Variants in MIA3 observed in about 807,000 individuals in gnomAD.
MIA3 encodes the protein MIA SH3 domain ER export factor 3, also known as transport and Golgi organization protein 1 homolog.
In MIA3, 90 loss-of-function variants were observed where a neutral mutation model predicts 192.4. That is an observed-to-expected ratio of 0.47 (90% CI 0.39 to 0.56). The LOEUF (loss-of-function observed/expected upper bound fraction) is 0.56, where lower values mean the gene tolerates loss of function less well. MIA3 is among the 20% of genes least tolerant of loss of function. The pLI is 0.00. For synonymous variants in MIA3, 740 were observed against 792.8 expected (o/e 0.93, Z 1.12); for missense variants, 2,123 against 2,269.4 (o/e 0.94, Z 1.31).
chr1:222,636,929 T>C (rs1040443649), intron 6 of MIA3, among the ~76,000 whole-genome samples: 4 of 152,222 alleles, frequency 2.6e-5, no homozygotes, highest in African/African-American at 9.6e-5. Flanking sequence ...TCCCTATCCC[T>C]GCACTGAAGT....
rs758220026 is a variant in MIA3, at chr1:222,630,406, C to T, written c.3169+17C>T. 6.4e-7 allele frequency: 1 copy of T among 1,574,318 alleles called. No homozygotes were observed. Among genetic ancestry groups the T allele is most frequent in the East Asian group, 2.2e-5 (1 of 44,586 alleles). ...CAATGGAAGGTGAGATGCCTATGGC[C>T]TTGTAGAACAGGGCTGGAGAAGCAG... On this transcript the variant is annotated intron_variant, in intron 4 of 27. Transcript: ENST00000344922.
chr1:222,648,874 A>T, intron 8 of MIA3, 24 bp downstream of exon 8: 1 of 1,402,842 alleles, frequency 7.1e-7, no homozygotes, highest in Non-Finnish European at 1.0e-6. Flanking sequence ...CTTTTTTGTT[A>T]TTTGTACTAG....
chr1:222,667,312 C>CT lies in MIA3; in HGVS notation c.*1697dup, dbSNP rs1392033770. 6.6e-6 allele frequency: 1 copy of CT among 152,166 alleles called. No individual in the cohort carries two copies. Among genetic ancestry groups the CT allele is most frequent in the Admixed American group, 6.5e-5 (1 of 15,280 alleles). 9.4% of individuals were successfully genotyped at this position (152,166 alleles called of 1,614,324 possible). On this transcript the variant is annotated 3_prime_UTR_variant, in exon 28 of 28. Transcript: ENST00000344922. Reference sequence around the variant, plus strand: ...AAACTCCACAGAAGAGCATAGGCCACTTTTAGCCATGTAAAAATAAGATTA... The same window carrying CT: ...AAACTCCACAGAAGAGCATAGGCCACTTTTTAGCCATGTAAAAATAAGATTA...
intron 3 of MIA3, 121 bp from the exon 4 acceptor site, chr1:222,627,454 A>G (rs1301777880): frequency 1.2e-6 from 1 of 824,850 alleles, no homozygotes; most frequent in East Asian, 2.5e-5. Flanking sequence ...CCCAGTGTTG[A>G]CGCAAAAGCT....
In MIA3 at chr1:222,665,438, T is replaced by C. The variant is rs1489643365; in HGVS notation, c.5543T>C (p.Leu1848Pro). Reference protein sequence around the residue: ...GHAPFRPLGSLGPREYFIPGT... With the variant: ...GHAPFRPLGSPGPREYFIPGT... ...GCACCATTTAGACCTTTAGGTTCAC[T>C]TGGCCCAAGAGAGTACTTTATTCCT... Residue 1848 changes from leucine to proline, a missense_variant, in exon 28 of 28, where the codon CTT (leucine) becomes CCT (proline). Physicochemically the swap from Leu to Pro is moderately conservative, Grantham distance 98. This residue lies in a region of MIA3 where 762 missense variants were observed against 856.4 expected (regional missense o/e 0.89). Coordinates refer to ENST00000344922, the MANE Select transcript of MIA3 (RefSeq NM_198551.4). 6.2e-7 allele frequency: 1 copy of C among 1,614,008 alleles called. No homozygotes were observed. Among genetic ancestry groups the C allele is most frequent in the Admixed American group, 1.7e-5 (1 of 60,010 alleles).
chr1:222,623,049 G>C (rs1045143505), intron 2 of MIA3, among the ~76,000 whole-genome samples: 1 of 152,202 alleles, frequency 6.6e-6, no homozygotes. Flanking sequence ...TTAATGGAAA[G>C]GCTCATGCCT....
rs1662471331 is a variant in MIA3 at position 222,633,036 on chromosome 1, A to G, written c.3332-68A>G. ...AGTGCCTAATATTTAGTGGATACTC[A>G]ATAAGTATTTTTTAAAGAGAATTCT... On this transcript the variant is annotated intron_variant, in intron 5 of 27. Coordinates refer to ENST00000344922, the MANE Select transcript of MIA3 (RefSeq NM_198551.4). The G allele has an allele frequency of 2.7e-6, 4 of 1,475,400 alleles. No individual in the cohort carries two copies. In the Admixed American group the frequency reaches 8.9e-5, roughly 33 times the overall value. The allele number at this position is 1,475,400 out of a possible 1,614,324, so 91.4% of individuals were successfully genotyped here.
In MIA3 at chr1:222,640,544, A is replaced by G. The variant is rs545007599; in HGVS notation, c.3478-5010A>G. ...GAAAGTCTTTTCAACAAATGGTACC[A>G]AAACTATTAGATATTTATATGCAAA... On this transcript the variant is annotated intron_variant, in intron 6 of 27. Coordinates refer to ENST00000344922, the MANE Select transcript of MIA3 (RefSeq NM_198551.4). Among the ~76,000 whole-genome samples, 18 of 152,328 alleles carry G rather than the reference A, an allele frequency of 1.2e-4. No homozygotes were observed. In the East Asian group the frequency reaches 3.5e-3, roughly 29 times the overall value.
chr1:222,618,179 G>A lies in MIA3; in HGVS notation c.69G>A (p.Gln23=), dbSNP rs1292730254. The stretch of plus-strand genomic sequence containing the variant: ...GGCTGCCCTGGCGGGTGCCGGGCCA[G>A]CTGGACCCCAGCACTGGCCGGCGGT... The part of the protein sequence containing the change: ...VLRLPWRVPG[Q]LDPSTGRRFS... The change falls in exon 1 of 28, where the codon CAG becomes CAA. Residue 23 remains glutamine (Q), a synonymous_variant. Coordinates refer to ENST00000344922, the MANE Select transcript of MIA3 (RefSeq NM_198551.4). 6 of 1,503,490 alleles carry A rather than the reference G, an allele frequency of 4.0e-6. No individual in the cohort carries two copies. The highest frequency in any genetic ancestry group is 2.8e-5 in the East Asian group (1 of 35,484). 93.1% of individuals were successfully genotyped at this position (1,503,490 alleles called of 1,614,324 possible).
At chr1:222,640,442 AAAATAGAAAATCTGG>A (rs1185451583) in intron 6 of MIA3, among the ~76,000 whole-genome samples, 1 of 152,192 alleles carries the variant, frequency 6.6e-6, no homozygotes, top group East Asian at 1.9e-4. Context: ...CCATTGGAAC[AAAATAGAAAATCTGG>A]AAATATACAT....
chr1:222,644,421 G>T, intron 6 of MIA3: 1 of 1,545,966 alleles, frequency 6.5e-7, no homozygotes, highest in Non-Finnish European at 8.7e-7. Context: ...TGAAAAACAG[G>T]GGGCCCAGTG....
At chr1:222,644,500 C>G in intron 6 of MIA3, 1 of 1,550,590 alleles carries the variant, frequency 6.4e-7, no homozygotes, top group Non-Finnish European at 8.7e-7. Context: ...TGCCACTGTG[C>G]CTTCTATCGC....
In MIA3 at chr1:222,654,467, T is replaced by C. The variant is rs759366214; in HGVS notation, c.4456T>C (p.Cys1486Arg). 5 of 1,613,148 alleles carry C rather than the reference T, an allele frequency of 3.1e-6. No homozygotes were observed. Among genetic ancestry groups the C allele is most frequent in the Non-Finnish European group, 1.7e-6 (2 of 1,179,394 alleles). Reference sequence around the variant, plus strand: ...GCTAAGAGCCTCCGTGTCCACTAAATGTAACCTGGAAGGTAGGTTGCTTCT... The same window carrying C: ...GCTAAGAGCCTCCGTGTCCACTAAACGTAACCTGGAAGGTAGGTTGCTTCT... ...LKLRASVSTKCNLEDQVKKLE... is the reference protein window; with the variant it reads ...LKLRASVSTKRNLEDQVKKLE... Residue 1486 changes from cysteine to arginine, a missense_variant, in exon 17 of 28, where the codon TGT becomes CGT. Cys to Arg is a radical substitution (Grantham distance 180). Transcript: ENST00000344922.
At chr1:222,641,430 G>T in intron 6 of MIA3, 1 of 490,062 alleles carries the variant, frequency 2.0e-6, no homozygotes, top group Non-Finnish European at 4.0e-6. Flanking sequence ...CTTAGCAGTA[G>T]CCTGAGCTGC....
chr1:222,629,708 T>A lies in MIA3; in HGVS notation c.2488T>A (p.Phe830Ile). Reference protein sequence around the residue: ...KAQRPFERSDFSDSIKIQTPE... With the variant: ...KAQRPFERSDISDSIKIQTPE... ...ACAGAGACCATTTGAACGAAGTGAC[T>A]TTTCTGACAGCATAAAAATTCAGAC... The change falls in exon 4 of 28, where the codon TTT becomes ATT. Residue 830 changes from phenylalanine (F) to isoleucine (I), a missense_variant. Phe to Ile is a conservative substitution (Grantham distance 21). Around this residue, in one of 3 missense-constraint regions of MIA3, gnomAD observed 1,357 missense variants for 1,396.1 expected, o/e 0.97. Coordinates refer to ENST00000344922, the MANE Select transcript of MIA3 (RefSeq NM_198551.4). 1 of 1,614,190 alleles carries A rather than the reference T, an allele frequency of 6.2e-7. No homozygotes were observed. The highest frequency in any genetic ancestry group is 1.1e-5 in the South Asian group (1 of 91,084).
At chr1:222,624,978 A>G (rs1662042603) in intron 3 of MIA3, 124 bp downstream of exon 3, 1 of 541,414 alleles carries the variant, frequency 1.8e-6, no homozygotes, top group Non-Finnish European at 3.3e-6. Flanking sequence ...GTTATCTAAT[A>G]TATGGAAATA....
At chr1:222,642,355 T>A (rs1035496263) in intron 6 of MIA3, among the ~76,000 whole-genome samples, 3 of 152,016 alleles carry the variant, frequency 2.0e-5, no homozygotes, top group East Asian at 1.9e-4. Flanking sequence ...CTCTACCTTT[T>A]AAAAAAAATG....
At chr1:222,640,337 A>G (rs889745913) in intron 6 of MIA3, among the ~76,000 whole-genome samples, 1 of 152,112 alleles carries the variant, frequency 6.6e-6, no homozygotes, top group Non-Finnish European at 1.5e-5. Flanking sequence ...TCTACAATTC[A>G]TATGGAAAAT....
chr1:222,647,138 T>G (rs539936537), intron 7 of MIA3, among the ~76,000 whole-genome samples: 40 of 152,334 alleles, frequency 2.6e-4, no homozygotes, highest in Non-Finnish European at 4.6e-4. Context: ...TCAGAAAATA[T>G]CTTTTTATTT....
Sources: gnomAD v4.1 joint callset for allele counts (sites outside exome capture counted in the v4.1 genomes callset) on GRCh38, gnomAD v4.1.1 for gene constraint, gnomAD v4.1.1 regional missense constraint, MANE v1.5 for transcripts, NCBI Gene and HGNC (gene_info 2026-07-23, HGNC 2026-07-21) for gene names.